The following CELF2 variants were observed in gnomAD, a reference collection of about 807,000 sequenced individuals.
CELF2 encodes the protein CUGBP Elav-like family member 2, also known as CUG triplet repeat RNA-binding protein 2.
CELF2 carries 8 observed loss-of-function variants against 62.6 expected under a neutral mutation model. The ratio of observed to expected loss-of-function variants is 0.13; its 90% confidence interval spans 0.07 to 0.23. The LOEUF is 0.23. CELF2 is among the 10% of genes least tolerant of loss of function. CELF2 has a pLI of 1.00. For synonymous variants in CELF2, 258 were observed against 250.0 expected (o/e 1.03, Z -0.30); for missense variants, 333 against 671.0 (o/e 0.50, Z 5.56).
chr10:11,253,203 A>G (rs1008688833), intron 4 of CELF2, among the ~76,000 whole-genome samples: 2 of 152,146 alleles, frequency 1.3e-5, no homozygotes, highest in African/African-American at 2.4e-5. Flanking sequence ...TTTACTCTAT[A>G]TACAGAGCGT....
At chr10:11,170,258 G>C in intron 2 of CELF2, among the ~76,000 whole-genome samples, 1 of 152,184 alleles carries the variant, frequency 6.6e-6, no homozygotes, top group East Asian at 1.9e-4. Flanking sequence ...GGGCATTCAG[G>C]AAGGAGTAAC....
At position 11,333,584 on chromosome 10, in the gene CELF2, C is replaced by T. The variant is rs961698073; in HGVS notation, c.*4531C>T. On this transcript the variant is annotated 3_prime_UTR_variant, in exon 13 of 13. Coordinates refer to ENST00000633077, the MANE Select transcript of CELF2 (RefSeq NM_001326342.2). ...TTAAAAAAACCTGTAGTTTCATTAC[C>T]TTTTTGAATAATGTCATACAAAAAA... is the stretch of plus-strand genomic sequence containing the variant. 6.6e-5 allele frequency: 10 copies of T among 151,776 alleles called. No individual in the cohort carries two copies. Among genetic ancestry groups the T allele is most frequent in the African/African-American group, 2.4e-4 (10 of 41,302 alleles). 9.4% of individuals were successfully genotyped at this position (151,776 alleles called of 1,614,324 possible).
intron 9 of CELF2, among the ~76,000 whole-genome samples, chr10:11,295,525 C>T (rs2093063565): frequency 1.3e-5 from 2 of 152,304 alleles, no homozygotes; most frequent in South Asian, 4.1e-4. Flanking sequence ...TCCTTTCTTC[C>T]TCTCCTTTGA....
In CELF2 at chr10:11,008,790, T is replaced by C. The variant is rs897395175; in HGVS notation, c.53+3350T>C. Among the ~76,000 whole-genome samples the C allele has an allele frequency of 1.3e-5, 2 of 152,210 alleles. No individual in the cohort carries two copies. The highest frequency in any genetic ancestry group is 4.8e-5 in the African/African-American group (2 of 41,444). ...ATCATGGTAGTGAGCATATTAGAAA[T>C]ATCCCACTTAGATTTCTTTGTATGG... is the stretch of plus-strand genomic sequence containing the variant. On this transcript the variant is annotated intron_variant, in intron 1 of 12. Transcript: ENST00000416382. This position sits in a 1 kb window ranked among gnomAD's most constrained non-coding sequence, Gnocchi z 4.5.
intron 1 of CELF2, among the ~76,000 whole-genome samples, chr10:11,138,552 T>C (rs1003666530): frequency 3.9e-5 from 6 of 152,224 alleles, no homozygotes; most frequent in Non-Finnish European, 7.3e-5. Flanking sequence ...GATACTCTGC[T>C]GGGTGCTATG....
chr10:10,669,261 A>G, the CELF2 span, among the ~76,000 whole-genome samples: 1 of 152,220 alleles, frequency 6.6e-6, no homozygotes, highest in Non-Finnish European at 1.5e-5. Context: ...CATCTGAAAG[A>G]TTGGTTGTAT....
Position 11,335,619 on chromosome 10 carries a change from A to G in CELF2, c.*6566A>G, listed in dbSNP as rs2096105259. Reference sequence around the variant, plus strand: ...ACTTCCTACCATCACTTCTGCTTTCAGTCTCCTCATAGCCTTCGGCAGTCT... The same window carrying G: ...ACTTCCTACCATCACTTCTGCTTTCGGTCTCCTCATAGCCTTCGGCAGTCT... On this transcript the variant is annotated 3_prime_UTR_variant, in exon 13 of 13. Coordinates refer to ENST00000633077, the MANE Select transcript of CELF2 (RefSeq NM_001326342.2). This position sits in a 1 kb window ranked among gnomAD's most constrained non-coding sequence, Gnocchi z 5.0. The G allele has an allele frequency of 6.6e-6, 1 of 152,158 alleles. No homozygotes were observed. Among genetic ancestry groups the G allele is most frequent in the African/African-American group, 2.4e-5 (1 of 41,430 alleles). The allele number at this position is 152,158 out of a possible 1,614,324, so 9.4% of individuals were successfully genotyped here.
At chr10:10,687,374 G>A in the CELF2 span, among the ~76,000 whole-genome samples, 1 of 152,074 alleles carries the variant, frequency 6.6e-6, no homozygotes, top group Non-Finnish European at 1.5e-5. Context: ...GGGAACCTGG[G>A]ATCTCAAAAA....
chr10:10,831,486 G>A (rs2057852879), intron 1 of CELF2, among the ~76,000 whole-genome samples: 2 of 152,260 alleles, frequency 1.3e-5, no homozygotes, highest in Admixed American at 1.3e-4. Flanking sequence ...GAACAGGGAT[G>A]AGAATGTGAT....
intron 2 of CELF2, among the ~76,000 whole-genome samples, chr10:10,976,413 G>A (rs890115865): frequency 1.3e-5 from 2 of 152,064 alleles, no homozygotes; most frequent in East Asian, 1.9e-4. Context: ...AGACAGAGTC[G>A]TTATCTATCT....
chr10:10,885,893 A>C (rs1330940360), intron 1 of CELF2, among the ~76,000 whole-genome samples: 1 of 152,140 alleles, frequency 6.6e-6, no homozygotes. Flanking sequence ...ATTCTCCTGC[A>C]CTTTAAGATC....
Position 11,177,772 on chromosome 10 carries a change from G to A in CELF2, c.271+12090G>A, listed in dbSNP as rs574474151. Among the ~76,000 whole-genome samples the A allele has an allele frequency of 5.6e-4, 86 of 152,300 alleles. No homozygotes were observed. The highest frequency in any genetic ancestry group is 1.7e-3 in the African/African-American group (71 of 41,558). On this transcript the variant is annotated intron_variant, in intron 2 of 12. Transcript: ENST00000633077. The surrounding 1 kb of genome is among the most constrained non-coding windows in gnomAD (Gnocchi z 4.8). ...TTCAACAATTGCTTGTTGATTTGGGGTGAAGATGCCATGAACTCAGGAGCG... is the reference window on the plus strand; with the variant it reads ...TTCAACAATTGCTTGTTGATTTGGGATGAAGATGCCATGAACTCAGGAGCG...
chr10:10,855,712 T>A (rs1407317183), intron 1 of CELF2, among the ~76,000 whole-genome samples: 1 of 152,250 alleles, frequency 6.6e-6, no homozygotes, highest in Non-Finnish European at 1.5e-5. Flanking sequence ...AAATGTGTGC[T>A]ATGGAATACG....
At chr10:11,320,267 C>T (rs568872861) in intron 10 of CELF2, among the ~76,000 whole-genome samples, 8 of 152,234 alleles carry the variant, frequency 5.3e-5, no homozygotes, top group Admixed American at 4.6e-4. Context: ...AGTCAGGATA[C>T]AAGGGGAGAA....
intron 1 of CELF2, among the ~76,000 whole-genome samples, chr10:10,912,627 CAA>C (rs1318207845): frequency 6.6e-6 from 1 of 152,178 alleles, no homozygotes; most frequent in Non-Finnish European, 1.5e-5. Context: ...CTCGGCCTCC[CAA>C]AGTGCTGGGA....
the CELF2 span, among the ~76,000 whole-genome samples, chr10:10,462,797 C>T: frequency 6.6e-6 from 1 of 151,968 alleles, no homozygotes; most frequent in Admixed American, 6.6e-5. Flanking sequence ...GCATTCCTGT[C>T]TACCCCGATG....
At chr10:10,651,513 G>C in the CELF2 span, among the ~76,000 whole-genome samples, 1 of 122,140 alleles carries the variant, frequency 8.2e-6, no homozygotes, top group Non-Finnish European at 1.8e-5. Context: ...CCAGCACGCA[G>C]CTGGAGATCT....
intron 1 of CELF2, among the ~76,000 whole-genome samples, chr10:11,067,768 G>T (rs1038456040): frequency 6.6e-6 from 1 of 152,164 alleles, no homozygotes; most frequent in African/African-American, 2.4e-5. Flanking sequence ...GTCAGATCAG[G>T]CATGAATTTA....
At chr10:10,724,655 C>CGAAA in the CELF2 span, among the ~76,000 whole-genome samples, 1 of 81,186 alleles carries the variant, frequency 1.2e-5, no homozygotes, top group African/African-American at 5.0e-5. Flanking sequence ...GACTCCGTCT[C>CGAAA]AAAAAAAAAA....
Sources: gnomAD v4.1 joint callset for allele counts (sites outside exome capture counted in the v4.1 genomes callset) on GRCh38, gnomAD v4.1.1 for gene constraint, Gnocchi (gnomAD v3.1) non-coding constraint, MANE v1.5 for transcripts, NCBI Gene and HGNC (gene_info 2026-07-23, HGNC 2026-07-21) for gene names.